The following FAM168A variants were observed in gnomAD, a reference collection of about 807,000 sequenced individuals.
FAM168A encodes family with sequence similarity 168 member A, also known as protein FAM168A.
FAM168A carries 3 observed loss-of-function variants against 28.5 expected under a neutral mutation model. The ratio of observed to expected loss-of-function variants is 0.11; its 90% CI spans 0.05 to 0.27. The LOEUF is 0.27. Ranked by LOEUF, FAM168A falls within the 10% of genes least tolerant of loss-of-function variation. The pLI is 1.00. For missense variants in FAM168A, 222 were observed against 311.5 expected, an observed-to-expected ratio of 0.71 and a Z score of 2.16; for synonymous variants, 122 against 124.2, an observed-to-expected ratio of 0.98 and a Z score of 0.12.
chr11:73,433,477 T>C (rs879671605), intron 2 of FAM168A, among the ~76,000 whole-genome samples: 3 of 152,142 alleles, frequency 2.0e-5, no homozygotes, highest in Non-Finnish European at 4.4e-5. Context: ...GTCATGAAGA[T>C]TGACCCTTAC....
Position 73,401,133 on chromosome 11 carries a change from A to G in FAM168A, c.*5630T>C, listed in dbSNP as rs1365788839. 2 of 149,872 alleles carry G rather than the reference A, an allele frequency of 1.3e-5. No homozygotes were observed. 9.3% of individuals were successfully genotyped at this position (149,872 alleles called of 1,614,324 possible). On this transcript the variant is annotated 3_prime_UTR_variant, in exon 8 of 8. Transcript: ENST00000356467. ...TTATTTTAAATTTTATTTCTTTTTA[A>G]AATGTGAGTTCCAATAAAATTTAAA...
chr11:73,538,334 C>A (rs1939381), intron 1 of FAM168A, among the ~76,000 whole-genome samples: 26,556 of 119,576 alleles, frequency 0.22, 3,304 homozygotes, highest in African/African-American at 0.47. Context: ...GGTTCCAAAA[C>A]AAAAAACAAA....
At chr11:73,587,230 C>G (rs1482177484) in intron 1 of FAM168A, among the ~76,000 whole-genome samples, 1 of 151,102 alleles carries the variant, frequency 6.6e-6, no homozygotes, top group East Asian at 1.9e-4. Flanking sequence ...ATGGCTCACA[C>G]CTGTAATCCC....
intron 5 of FAM168A, 117 bp from the exon 6 acceptor site, chr11:73,409,778 AC>A: frequency 9.7e-7 from 1 of 1,036,226 alleles, no homozygotes; most frequent in Non-Finnish European, 1.4e-6. Flanking sequence ...TGCTTGTCTT[AC>A]TATGTGACTG....
chr11:73,417,559 CTTTT>C (rs11284405), intron 4 of FAM168A, among the ~76,000 whole-genome samples: 1 of 129,998 alleles, frequency 7.7e-6, no homozygotes. Context: ...ACCTCTCTCT[CTTTT>C]TTTTTTTTTT....
At position 73,407,659 on chromosome 11, in the gene FAM168A, G is replaced by C. The variant is rs376655460; in HGVS notation, c.596-16C>G. 1.2e-6 allele frequency: 2 copies of C among 1,602,848 alleles called. No individual in the cohort carries two copies. The highest frequency in any genetic ancestry group is 1.7e-6 in the Non-Finnish European group (2 of 1,172,490). On this transcript the variant is annotated splice_polypyrimidine_tract_variant and intron_variant, in intron 6 of 7. Coordinates refer to ENST00000356467, the MANE Select transcript of FAM168A (RefSeq NM_015159.3). The stretch of plus-strand genomic sequence containing the variant: ...AGCAGGGTACCTGAGCATCCAGAGA[G>C]AGAAGAGTAACCTGACGAGGCTGCA...
intron 1 of FAM168A, among the ~76,000 whole-genome samples, chr11:73,564,259 A>T (rs1213735018): frequency 6.6e-6 from 1 of 152,178 alleles, no homozygotes; most frequent in African/African-American, 2.4e-5. Flanking sequence ...TACCCAAACT[A>T]TATGAAGCAA....
At chr11:73,563,693 CCAGG>C (rs1389260452) in intron 1 of FAM168A, among the ~76,000 whole-genome samples, 1 of 152,122 alleles carries the variant, frequency 6.6e-6, no homozygotes, top group African/African-American at 2.4e-5. Flanking sequence ...ACCCTTTGAG[CCAGG>C]CAGGCAGAAA....
At chr11:73,436,809 C>T (rs1193881196) in intron 2 of FAM168A, among the ~76,000 whole-genome samples, 1 of 152,136 alleles carries the variant, frequency 6.6e-6, no homozygotes, top group African/African-American at 2.4e-5. Context: ...GATTTGGCTG[C>T]CATTTACTTT....
intron 1 of FAM168A, among the ~76,000 whole-genome samples, chr11:73,558,910 T>C (rs527721913): frequency 6.6e-6 from 1 of 152,306 alleles, no homozygotes; most frequent in East Asian, 1.9e-4. Context: ...TAGTTAAACA[T>C]AGAATTACCA....
chr11:73,539,221 C>T (rs556828857), intron 1 of FAM168A, among the ~76,000 whole-genome samples: 1 of 152,172 alleles, frequency 6.6e-6, no homozygotes, highest in East Asian at 1.9e-4. Context: ...TCAAACACTC[C>T]AGGAATATAG....
At chr11:73,508,560 C>CGTGT (rs142113717) in intron 1 of FAM168A, among the ~76,000 whole-genome samples, 1 of 150,620 alleles carries the variant, frequency 6.6e-6, no homozygotes. Flanking sequence ...TGCGTGGGTG[C>CGTGT]GTGTGTGTGT....
intron 3 of FAM168A, among the ~76,000 whole-genome samples, chr11:73,425,211 C>T (rs1306207805): frequency 6.6e-6 from 1 of 152,178 alleles, no homozygotes; most frequent in African/African-American, 2.4e-5. Flanking sequence ...GAGAGGGTGA[C>T]AGACATGTCA....
intron 1 of FAM168A, among the ~76,000 whole-genome samples, chr11:73,505,757 C>CTTAT (rs1855105654): frequency 1.3e-5 from 2 of 152,010 alleles, no homozygotes; most frequent in Non-Finnish European, 2.9e-5. Flanking sequence ...TGTACTTCAC[C>CTTAT]ATTTTATAGA....
chr11:73,530,201 G>C (rs1943499839), intron 1 of FAM168A, among the ~76,000 whole-genome samples: 1 of 152,116 alleles, frequency 6.6e-6, no homozygotes, highest in African/African-American at 2.4e-5. Context: ...CAATAAGGAA[G>C]ACATATCAAA....
intron 1 of FAM168A, among the ~76,000 whole-genome samples, chr11:73,489,810 T>A (rs1037155957): frequency 2.6e-5 from 4 of 152,164 alleles, no homozygotes; most frequent in Non-Finnish European, 4.4e-5. Flanking sequence ...GTATCCGGCA[T>A]CTCCCCTCTT....
rs1194509191 is a variant in FAM168A, at chr11:73,561,102, C to T, written c.-19+36821G>A. On this transcript the variant is annotated intron_variant, in intron 1 of 7. Coordinates refer to ENST00000356467, the MANE Select transcript of FAM168A (RefSeq NM_015159.3). Reference sequence around the variant, plus strand: ...AAAACAAAAAGACCGGGCGCGGTGGCGGTGGCTCATGCCTGTAATCCCAGC... The same window carrying T: ...AAAACAAAAAGACCGGGCGCGGTGGTGGTGGCTCATGCCTGTAATCCCAGC... Among the ~76,000 whole-genome samples the T allele has an allele frequency of 4.1e-5, 6 of 146,568 alleles. No homozygotes were observed. The East Asian group carries it at 1.0e-3, about 25-fold the overall frequency.
chr11:73,417,093 C>T (rs2134490628), intron 4 of FAM168A, among the ~76,000 whole-genome samples: 1 of 152,308 alleles, frequency 6.6e-6, no homozygotes, highest in East Asian at 1.9e-4. Flanking sequence ...TTCTGTTACT[C>T]AGACTTCCTG....
chr11:73,508,180 T>C (rs1277269122), intron 1 of FAM168A, among the ~76,000 whole-genome samples: 1 of 152,032 alleles, frequency 6.6e-6, no homozygotes, highest in Non-Finnish European at 1.5e-5. Context: ...AAGTACTCAA[T>C]AAAAAGGAGC....
Sources: gnomAD v4.1 joint callset for allele counts (sites outside exome capture counted in the v4.1 genomes callset) on GRCh38, gnomAD v4.1.1 for gene constraint, MANE v1.5 for transcripts, NCBI Gene and HGNC (gene_info 2026-07-23, HGNC 2026-07-21) for gene names.